ABCB5: variants seen among roughly 807,000 people sequenced by gnomAD.
ABCB5 encodes the protein ATP-binding cassette sub-family B member 5.
A neutral mutation model predicts 144.2 loss-of-function variants in ABCB5; 155 were observed. That is an observed-to-expected ratio of 1.08 (90% confidence interval 0.94 to 1.23). The LOEUF is 1.23. Ranked by LOEUF, ABCB5 falls within the 50% of genes most tolerant of loss-of-function variation. The probability of loss-of-function intolerance (pLI) is 0.00; values close to 1 mark genes in which losing one functional copy is unlikely to be tolerated. For missense variants in ABCB5, 1,830 were observed against 1,520.8 expected (o/e 1.20, Z -3.38); for synonymous variants, 610 against 528.6 (o/e 1.15, Z -2.11).
intron 21 of ABCB5, among the ~76,000 whole-genome samples, chr7:20,725,696 T>C (rs1488773846): frequency 6.6e-6 from 1 of 152,228 alleles, no homozygotes. Context: ...ATTTTTTTAA[T>C]GTTCATTCCT....
intron 23 of ABCB5, 39 bp from the exon 24 acceptor site, chr7:20,738,944 T>TC: frequency 6.5e-7 from 1 of 1,534,794 alleles, no homozygotes; most frequent in Non-Finnish European, 8.8e-7. Flanking sequence ...TTACAAAGGA[T>TC]CGATGGACCT....
At chr7:20,633,938 GAA>G (rs530418784) in intron 5 of ABCB5, among the ~76,000 whole-genome samples, 5 of 152,030 alleles carry the variant, frequency 3.3e-5, no homozygotes, top group Non-Finnish European at 7.4e-5. Context: ...GCATAGTGGT[GAA>G]GTCTGGGCTT....
intron 14 of ABCB5, among the ~76,000 whole-genome samples, chr7:20,674,658 A>T (rs1424567320): frequency 6.6e-6 from 1 of 151,622 alleles, no homozygotes. Context: ...AGCCAGGGCA[A>T]TTAGGCAAGA....
chr7:20,643,658 T>G (rs1386577976), intron 7 of ABCB5, 26 bp downstream of exon 7: 6 of 1,611,424 alleles, frequency 3.7e-6, no homozygotes, highest in African/African-American at 1.3e-5. Context: ...AATGCAATAT[T>G]GAATGGAAGC....
intron 11 of ABCB5, 28 bp downstream of exon 11, chr7:20,648,106 G>T (rs1489794275): frequency 6.0e-6 from 8 of 1,324,936 alleles, no homozygotes; most frequent in Non-Finnish European, 8.6e-6. Context: ...ACGCAATTGT[G>T]CAGTTTTCTG....
At chr7:20,651,792 G>C in intron 13 of ABCB5, 169 bp downstream of exon 13, 1 of 624,588 alleles carries the variant, frequency 1.6e-6, no homozygotes, top group Non-Finnish European at 2.7e-6. Flanking sequence ...CTTTGAATGA[G>C]GTCCAACACA....
chr7:20,723,198 A>T lies in ABCB5; in HGVS notation c.2604A>T (p.Gln868His). The T allele has an allele frequency of 6.2e-7, 1 of 1,614,196 alleles. No individual in the cohort carries two copies. The highest frequency in any genetic ancestry group is 8.5e-7 in the Non-Finnish European group (1 of 1,180,036). ...CTGGATTTGCCAACAAAGATAAGCA[A>T]GAACTTAAGCATGCTGGAAAGGTAA... ...AMTGFANKDK[Q>H]ELKHAGKIAT... Residue 868 changes from glutamine (Q) to histidine (H), a missense_variant, in exon 21 of 28, where the codon CAA becomes CAT. Physicochemically the swap from Gln to His is conservative, Grantham distance 24 (BLOSUM62 0). Transcript: ENST00000404938.
Position 20,623,308 on chromosome 7 carries a change from A to G in ABCB5, c.23A>G (p.Glu8Gly). Residue 8 changes from glutamate to glycine, a missense_variant, in exon 2 of 28, where the codon GAA (glutamate) becomes GGA (glycine). Coordinates refer to ENST00000404938, the MANE Select transcript of ABCB5 (RefSeq NM_001163941.2). ...AAGATGGAAAATTCAGAAAGAGCTGAAGAAATGCAAGAAAATTATCAGAGA... is the reference window on the plus strand; with the variant it reads ...AAGATGGAAAATTCAGAAAGAGCTGGAGAAATGCAAGAAAATTATCAGAGA... MENSERA[E>G]EMQENYQRNG... 1 of 1,549,088 alleles carries G rather than the reference A, an allele frequency of 6.5e-7. No homozygotes were observed. The highest frequency in any genetic ancestry group is 8.7e-7 in the Non-Finnish European group (1 of 1,144,114).
rs1470912625 is a variant in ABCB5, at chr7:20,649,873, T to G, written c.1207-149T>G. The G allele has an allele frequency of 6.4e-6, 5 of 779,072 alleles. No homozygotes were observed. In the East Asian group the frequency reaches 1.2e-4, roughly 18 times the overall value. The allele number at this position is 779,072 out of a possible 1,614,324, so 48.3% of individuals were successfully genotyped here. A position where few individuals can be genotyped will look rare whatever the true frequency, so the allele number is the denominator to read the frequency against. The stretch of plus-strand genomic sequence containing the variant: ...TTTCTGAAATTATTCAGGCTATTAC[T>G]ACACATGTACATGAAACAAACATAA... On this transcript the variant is annotated intron_variant, in intron 11 of 27. Coordinates refer to ENST00000404938, the MANE Select transcript of ABCB5 (RefSeq NM_001163941.2).
rs141749964 is a variant in ABCB5 at position 20,698,511 on chromosome 7, T to C, written c.2115T>C (p.Val705=). The C allele has an allele frequency of 1.4e-5, 22 of 1,600,890 alleles. No homozygotes were observed. Among genetic ancestry groups the C allele is most frequent in the Admixed American group, 1.1e-4 (6 of 56,910 alleles). ...TGGCTTCTGTTCTAAATGGAACTGTTCATCCAGTATTTTCCATCATCTTTG... is the reference window on the plus strand; with the variant it reads ...TGGCTTCTGTTCTAAATGGAACTGTCCATCCAGTATTTTCCATCATCTTTG... ...GTLASVLNGT[V]HPVFSIIFAK... The change falls in exon 17 of 28, where the codon GTT becomes GTC. Residue 705 remains valine (V), a synonymous_variant. Transcript: ENST00000404938.
rs1824613534 is a variant in ABCB5 at position 20,667,117 on chromosome 7, CA to C, written c.1707+8442del. On this transcript the variant is annotated intron_variant, in intron 14 of 27. Coordinates refer to ENST00000404938, the MANE Select transcript of ABCB5 (RefSeq NM_001163941.2). Reference sequence around the variant, plus strand: ...GCCCATTTTATGGACCTCTGAGGCACAGTTTTTTCCCTTTTAAGTTATTAGA... The same window carrying C: ...GCCCATTTTATGGACCTCTGAGGCACGTTTTTTCCCTTTTAAGTTATTAGA... 3 of 769,004 alleles carry C rather than the reference CA, an allele frequency of 3.9e-6. No homozygotes were observed. In the African/African-American group the frequency reaches 5.6e-5, roughly 14 times the overall value. 47.6% of individuals were successfully genotyped at this position (769,004 alleles called of 1,614,324 possible).
At chr7:20,662,310 C>T (rs1199523375) in intron 14 of ABCB5, among the ~76,000 whole-genome samples, 3 of 152,158 alleles carry the variant, frequency 2.0e-5, no homozygotes, top group South Asian at 2.1e-4. Flanking sequence ...CCCTATGATG[C>T]GCCCCGTTGG....
chr7:20,642,936 A>G (rs1784324936), intron 5 of ABCB5, among the ~76,000 whole-genome samples: 1 of 152,198 alleles, frequency 6.6e-6, no homozygotes, highest in Non-Finnish European at 1.5e-5. Flanking sequence ...TACTGAAAGA[A>G]GATATAAGTA....
At position 20,650,032 on chromosome 7, in the gene ABCB5, G is replaced by A; in HGVS notation, c.1217G>A (p.Gly406Asp). 1 of 1,612,204 alleles carries A rather than the reference G, an allele frequency of 6.2e-7. No individual in the cohort carries two copies. The stretch of plus-strand genomic sequence containing the variant: ...CATACATTCCAATAGATTCTGAAAG[G>A]TCTGAATCTCAGAATTAAGTCTGGA... ...PSRPSIKILK[G>D]LNLRIKSGET... is the part of the protein sequence containing the mutation. Residue 406 changes from glycine (G) to aspartate (D), a missense_variant, in exon 12 of 28, where the codon GGT becomes GAT. Physicochemically the swap from Gly to Asp is moderately conservative, Grantham distance 94 (BLOSUM62 -1). Transcript: ENST00000404938.
chr7:20,700,461 G>T (rs1180985116), intron 19 of ABCB5, among the ~76,000 whole-genome samples: 2 of 152,218 alleles, frequency 1.3e-5, no homozygotes, highest in East Asian at 3.9e-4. Context: ...AAAAGGAGAA[G>T]TAAGAGCTAC....
Position 20,728,409 on chromosome 7 carries a change from G to A in ABCB5, c.2821G>A (p.Ala941Thr). The A allele has an allele frequency of 1.2e-6, 2 of 1,614,154 alleles. No homozygotes were observed. Among genetic ancestry groups the A allele is most frequent in the Non-Finnish European group, 1.7e-6 (2 of 1,180,014 alleles). Reference protein sequence around the residue: ...FAYAAGFRFGAYLIQAGRMTP... With the variant: ...FAYAAGFRFGTYLIQAGRMTP... ...CTATGCGGCAGGGTTTCGATTTGGA[G>A]CCTATTTAATTCAAGCTGGACGAAT... Residue 941 changes from alanine to threonine, a missense_variant, in exon 23 of 28, where the codon GCC becomes ACC. Ala to Thr is a moderately conservative substitution (Grantham distance 58). Coordinates refer to ENST00000404938, the MANE Select transcript of ABCB5 (RefSeq NM_001163941.2).
intron 20 of ABCB5, among the ~76,000 whole-genome samples, chr7:20,706,396 T>C (rs1345087933): frequency 1.3e-5 from 2 of 152,348 alleles, no homozygotes; most frequent in South Asian, 4.1e-4. Context: ...ACATTTCTTT[T>C]AGCAGATATT....
intron 14 of ABCB5, chr7:20,659,286 T>C (rs2128030097): frequency 6.9e-7 from 1 of 1,456,912 alleles, no homozygotes; most frequent in East Asian, 2.4e-5. Context: ...GAAAAACCAT[T>C]GAACAGTTTT....
Position 20,753,462 on chromosome 7 carries a change from T to C in ABCB5, c.3532T>C (p.Leu1178=), listed in dbSNP as rs754987038. 21 of 1,613,926 alleles carry C rather than the reference T, an allele frequency of 1.3e-5. No individual in the cohort carries two copies. The highest frequency in any genetic ancestry group is 1.7e-5 in the Non-Finnish European group (20 of 1,179,960). Residue 1178 remains leucine (L), a synonymous_variant, in exon 27 of 28, where the codon TTG becomes CTG. Transcript: ENST00000404938. ...TCTTCTCCAAAAACCCAAAATTTTA[T>C]TGTTGGATGAGGCCACTTCAGCCCT... The part of the protein sequence containing the change: ...RALLQKPKIL[L]LDEATSALDN...
Sources: gnomAD v4.1 joint callset for allele counts (sites outside exome capture counted in the v4.1 genomes callset) on GRCh38, gnomAD v4.1.1 for gene constraint, MANE v1.5 for transcripts, NCBI Gene and HGNC (gene_info 2026-07-23, HGNC 2026-07-21) for gene names.